TNRC6A: variants seen among roughly 807,000 people sequenced by gnomAD.
TNRC6A encodes the protein trinucleotide repeat-containing gene 6A protein.
TNRC6A carries 44 observed loss-of-function variants against 221.2 expected under a neutral mutation model. That is an observed-to-expected ratio of 0.20 (90% CI 0.16 to 0.26). The LOEUF is 0.26. TNRC6A is among the 10% of genes least tolerant of loss of function. The pLI, the probability that TNRC6A is intolerant of heterozygous loss-of-function variation, is 1.00. For missense variants in TNRC6A, 2,199 were observed against 2,404.4 expected, an observed-to-expected ratio of 0.91 and a Z score of 1.79; for synonymous variants, 847 against 838.5, an observed-to-expected ratio of 1.01 and a Z score of -0.18.
chr16:24,735,675 A>G (rs2056749451), intron 2 of TNRC6A, among the ~76,000 whole-genome samples: 1 of 152,220 alleles, frequency 6.6e-6, no homozygotes, highest in African/African-American at 2.4e-5. Flanking sequence ...ACCATTCTGT[A>G]AGCTCTTTTG....
At chr16:24,808,522 G>A (rs1214775512) in intron 17 of TNRC6A, among the ~76,000 whole-genome samples, 3 of 152,148 alleles carry the variant, frequency 2.0e-5, no homozygotes, top group Non-Finnish European at 4.4e-5. Context: ...CTGAGATACC[G>A]GCTGAACCTC....
At chr16:24,672,024 A>ACAG (rs1286979864) in intron 2 of TNRC6A, among the ~76,000 whole-genome samples, 3 of 152,268 alleles carry the variant, frequency 2.0e-5, no homozygotes, top group African/African-American at 7.2e-5. Context: ...TTTAATATGG[A>ACAG]CAGCATGTGA....
At position 24,798,935 on chromosome 16, in the gene TNRC6A, C is replaced by T. The variant is rs549954504; in HGVS notation, c.3694+969C>T. 2.0e-4 allele frequency among the ~76,000 whole-genome samples: 31 copies of T among 152,322 alleles called. 1 individual carries two copies. The highest frequency in any genetic ancestry group is 7.5e-4 in the African/African-American group (31 of 41,562). The stretch of plus-strand genomic sequence containing the variant: ...ACATAGCATGCCCAAGAAAGAACCC[C>T]CTTCCTCTCACTATGGTGCCATGCC... On this transcript the variant is annotated intron_variant, in intron 11 of 24. Transcript: ENST00000395799.
At chr16:24,783,002 T>C (rs2057886151) in intron 5 of TNRC6A, among the ~76,000 whole-genome samples, 1 of 152,248 alleles carries the variant, frequency 6.6e-6, no homozygotes, top group Non-Finnish European at 1.5e-5. Flanking sequence ...CTTCCCTTTC[T>C]GGCAAAATTG....
At chr16:24,656,671 T>TAAAAAAAAAAAA (rs2141880809) in intron 2 of TNRC6A, among the ~76,000 whole-genome samples, 1 of 152,184 alleles carries the variant, frequency 6.6e-6, no homozygotes, top group East Asian at 1.9e-4. Context: ...GCAAAATATT[T>TAAAAAAAAAAAA]AGAACTTTTA....
intron 2 of TNRC6A, among the ~76,000 whole-genome samples, chr16:24,651,878 C>A (rs1035908165): frequency 6.7e-6 from 1 of 150,362 alleles, no homozygotes; most frequent in African/African-American, 2.4e-5. Flanking sequence ...AAGGGAGGAT[C>A]GCTTGAGGTC....
intron 2 of TNRC6A, among the ~76,000 whole-genome samples, chr16:24,683,795 G>C (rs2055577308): frequency 6.6e-6 from 1 of 152,152 alleles, no homozygotes; most frequent in Non-Finnish European, 1.5e-5. Flanking sequence ...AATAAGGAGA[G>C]TGCCCTGCAC....
intron 5 of TNRC6A, among the ~76,000 whole-genome samples, chr16:24,780,706 G>C (rs2057822867): frequency 6.6e-6 from 1 of 151,844 alleles, no homozygotes. Context: ...TAAGGTGTAT[G>C]AGTATATTTT....
At position 24,812,019 on chromosome 16, in the gene TNRC6A, A is replaced by ATTTTTTTTTTTTTTTTTTTT. The variant is rs71156440; in HGVS notation, c.4672+2566_4672+2585dup. On this transcript the variant is annotated intron_variant, in intron 18 of 24. Coordinates refer to ENST00000395799, the MANE Select transcript of TNRC6A (RefSeq NM_014494.4). The stretch of plus-strand genomic sequence containing the variant: ...CCGTTCAGGGGAATGTCACTTTGGG[A>ATTTTTTTTTTTTTTTTTTTT]TTTTTTTTTTTTTTTTTTTTTTTTT... 4.7e-4 allele frequency among the ~76,000 whole-genome samples: 19 copies of ATTTTTTTTTTTTTTTTTTTT among 40,852 alleles called. 7 individuals carry two copies. The highest frequency in any genetic ancestry group is 7.2e-4 in the Non-Finnish European group (17 of 23,660). The allele number at this position is 40,852 out of a possible 152,430, so 26.8% of individuals were successfully genotyped here.
intron 1 of TNRC6A, among the ~76,000 whole-genome samples, chr16:24,638,850 T>C (rs999506710): frequency 6.6e-6 from 1 of 152,240 alleles, no homozygotes; most frequent in Non-Finnish European, 1.5e-5. Flanking sequence ...TTTTCCTGTT[T>C]TAAAAAATCA....
In TNRC6A at chr16:24,790,214, C is replaced by T; in HGVS notation, c.1572C>T (p.Ala524=). Residue 524 remains alanine, a synonymous_variant, in exon 6 of 25, where the codon GCC becomes GCT. Transcript: ENST00000395799. ...SGGSYGTTWG[A]YGSNYSGDKC... ...GCTCTTATGGTACTACATGGGGTGC[C>T]TATGGTTCTAATTACTCTGGAGACA... 6.2e-7 allele frequency: 1 copy of T among 1,614,144 alleles called. No individual in the cohort carries two copies. Among genetic ancestry groups the T allele is most frequent in the Non-Finnish European group, 8.5e-7 (1 of 1,180,026 alleles).
intron 11 of TNRC6A, among the ~76,000 whole-genome samples, chr16:24,801,482 A>C (rs1432005731): frequency 3.3e-5 from 5 of 151,140 alleles, no homozygotes; most frequent in African/African-American, 1.2e-4. Flanking sequence ...TTTTAAAGGG[A>C]TGCAGAAGTG....
chr16:24,721,095 T>C (rs2056403244), intron 2 of TNRC6A, among the ~76,000 whole-genome samples: 1 of 152,148 alleles, frequency 6.6e-6, no homozygotes, highest in Admixed American at 6.6e-5. Context: ...GTTGATGGGC[T>C]AAGAATGAAC....
At position 24,777,397 on chromosome 16, in the gene TNRC6A, A is replaced by G. The variant is rs570128363; in HGVS notation, c.589+39A>G. On this transcript the variant is annotated intron_variant, in intron 5 of 24. Coordinates refer to ENST00000395799, the MANE Select transcript of TNRC6A (RefSeq NM_014494.4). ...TTTCTTACGAGACTCACACCTTATC[A>G]TCATTAGCTGTATAGCAAGTTGATA... The G allele has an allele frequency of 1.7e-5, 27 of 1,570,398 alleles. No individual in the cohort carries two copies. In the South Asian group the frequency reaches 2.3e-4, roughly 13 times the overall value.
At chr16:24,672,675 C>T (rs1328761780) in intron 2 of TNRC6A, among the ~76,000 whole-genome samples, 2 of 151,852 alleles carry the variant, frequency 1.3e-5, no homozygotes, top group Non-Finnish European at 2.9e-5. Flanking sequence ...AACTCCTGGG[C>T]TCAAGTGATC....
chr16:24,805,370 A>G (rs939081521), intron 14 of TNRC6A: 7 of 939,018 alleles, frequency 7.5e-6, no homozygotes, highest in Non-Finnish European at 1.1e-5. Context: ...CATTCTTGAG[A>G]GTAGGACAAA....
chr16:24,672,451 AT>A (rs912085750), intron 2 of TNRC6A, among the ~76,000 whole-genome samples: 51 of 136,778 alleles, frequency 3.7e-4, no homozygotes, highest in Non-Finnish European at 1.4e-4. Context: ...TTACTTGTTT[AT>A]TTTTTTTGAG....
intron 11 of TNRC6A, among the ~76,000 whole-genome samples, chr16:24,801,557 G>A: frequency 8.3e-6 from 1 of 121,190 alleles, no homozygotes; most frequent in African/African-American, 3.2e-5. Flanking sequence ...TTTTTGAGTT[G>A]GAGTCTCACT....
At chr16:24,650,656 C>G (rs1258641817) in intron 2 of TNRC6A, among the ~76,000 whole-genome samples, 1 of 149,988 alleles carries the variant, frequency 6.7e-6, no homozygotes, top group Non-Finnish European at 1.5e-5. Flanking sequence ...TAGAGTGAGA[C>G]TCTGACTCAA....
Sources: allele counts gnomAD v4.1 joint callset (sites outside exome capture counted in the v4.1 genomes callset), GRCh38; gene constraint gnomAD v4.1.1; transcripts MANE v1.5; gene names NCBI Gene and HGNC (gene_info 2026-07-23, HGNC 2026-07-21).